POLR3D: variants seen among roughly 807,000 people sequenced by gnomAD.
POLR3D encodes DNA-directed RNA polymerase III subunit RPC4.
In POLR3D, 42 loss-of-function variants were observed where a neutral mutation model predicts 44.5. That is an observed-to-expected ratio of 0.94 (90% confidence interval 0.74 to 1.22). POLR3D has a LOEUF of 1.22. Among genes scored for constraint, POLR3D ranks in the 50% most tolerant of loss-of-function variants. POLR3D has a pLI of 0.00. For missense variants in POLR3D, 507 were observed against 505.2 expected, an observed-to-expected ratio of 1.00 and a Z score of -0.03; for synonymous variants, 217 against 198.1, an observed-to-expected ratio of 1.10 and a Z score of -0.80.
Position 22,252,252 on chromosome 8 carries a change from G to A in POLR3D, c.*1734G>A, listed in dbSNP as rs1830111287. On this transcript the variant is annotated 3_prime_UTR_variant, in exon 9 of 9. Transcript: ENST00000306433. Reference sequence around the variant, plus strand: ...AACCTGTGCTGGGAAGCCCTGTTTGGTCTAAGGCTAAGCTTTGGTTAACTC... The same window carrying A: ...AACCTGTGCTGGGAAGCCCTGTTTGATCTAAGGCTAAGCTTTGGTTAACTC... 6.5e-6 allele frequency: 1 copy of A among 153,792 alleles called. No homozygotes were observed. The highest frequency in any genetic ancestry group is 2.1e-4 in the South Asian group (1 of 4,838). 9.5% of individuals were successfully genotyped at this position (153,792 alleles called of 1,614,324 possible). A position where few individuals can be genotyped will look rare whatever the true frequency, so the allele number is the denominator to read the frequency against.
chr8:22,245,789 C>G (rs1451790048), intron 2 of POLR3D, among the ~76,000 whole-genome samples, 175 bp downstream of exon 2: 1 of 152,150 alleles, frequency 6.6e-6, no homozygotes, highest in Non-Finnish European at 1.5e-5. Context: ...GTACTGAGTA[C>G]AAGATGTTGA....
intron 6 of POLR3D, 74 bp downstream of exon 6, chr8:22,248,723 T>C: frequency 7.0e-7 from 1 of 1,433,932 alleles, no homozygotes; most frequent in South Asian, 1.3e-5. Context: ...AGGCATCCCT[T>C]GCATGTGCCC....
intron 1 of POLR3D, 54 bp from the exon 2 acceptor site, chr8:22,245,391 C>A: frequency 7.8e-7 from 1 of 1,278,494 alleles, no homozygotes; most frequent in East Asian, 2.9e-5. Context: ...TGGGGTTCCG[C>A]CAGGGTCCGC....
chr8:22,248,537 G>A lies in POLR3D; in HGVS notation c.543G>A (p.Pro181=), dbSNP rs775911669. The part of the protein sequence containing the change: ...NDTRNMPVQL[P]LAHSGWLFKE... ...CTCGAAATATGCCTGTGCAGCTGCC[G>A]CTGGCTCACTCAGGATGGCTTTTTA... The change falls in exon 6 of 9, where the codon CCG becomes CCA. Residue 181 remains proline, a synonymous_variant. Transcript: ENST00000306433. 3.0e-5 allele frequency: 49 copies of A among 1,614,028 alleles called. No individual in the cohort carries two copies. The highest frequency in any genetic ancestry group is 1.1e-4 in the East Asian group (5 of 44,894).
In POLR3D at chr8:22,248,611, A is replaced by G. The variant is rs751186027; in HGVS notation, c.617A>G (p.Lys206Arg). The change falls in exon 6 of 9, where the codon AAG (lysine) becomes AGG (arginine). Residue 206 changes from lysine (K) to arginine (R), a missense_variant. By Grantham distance (26) the Lys-to-Arg change is conservative. Transcript: ENST00000306433. The part of the protein sequence containing the change: ...PDVKPWLAGP[K>R]EEDMEVDIPA... ...GTTAAACCTTGGCTGGCTGGCCCCA[A>G]GGAAGAGGACATGGAGGTGGACATA... 1.1e-5 allele frequency: 17 copies of G among 1,613,984 alleles called. No individual in the cohort carries two copies. The highest frequency in any genetic ancestry group is 1.4e-5 in the Non-Finnish European group (17 of 1,180,046).
chr8:22,247,361 A>T (rs567515164), intron 3 of POLR3D, 97 bp downstream of exon 3: 2 of 875,284 alleles, frequency 2.3e-6, no homozygotes, highest in Non-Finnish European at 1.9e-6. Flanking sequence ...CCAAAATTTA[A>T]ATTTATATCT....
Position 22,249,096 on chromosome 8 carries a change from C to T in POLR3D, c.708C>T (p.Pro236=), listed in dbSNP as rs747260064. Reference sequence around the variant, plus strand: ...AAGAGGCCAAGATGAAGGCTCCTCCCAAAGCAGCCAGGAAGACTCCAGGCC... The same window carrying T: ...AAGAGGCCAAGATGAAGGCTCCTCCTAAAGCAGCCAGGAAGACTCCAGGCC... ...EEEEAKMKAP[P]KAARKTPGLP... Residue 236 remains proline (P), a synonymous_variant, in exon 7 of 9, where the codon CCC becomes CCT. Coordinates refer to ENST00000306433, the MANE Select transcript of POLR3D (RefSeq NM_001722.3). 1 of 1,613,830 alleles carries T rather than the reference C, an allele frequency of 6.2e-7. No individual in the cohort carries two copies. The highest frequency in any genetic ancestry group is 1.1e-5 in the South Asian group (1 of 91,060).
rs1830067272 is a variant in POLR3D at position 22,248,581 on chromosome 8, C to T, written c.587C>T (p.Pro196Leu). The T allele has an allele frequency of 1.2e-6, 2 of 1,614,146 alleles. No homozygotes were observed. Among genetic ancestry groups the T allele is most frequent in the East Asian group, 4.5e-5 (2 of 44,876 alleles). ...GWLFKEENDEPDVKPWLAGPK... is the reference protein window; with the variant it reads ...GWLFKEENDELDVKPWLAGPK... ...CTTTTTAAGGAAGAAAATGACGAAC[C>T]AGATGTTAAACCTTGGCTGGCTGGC... Residue 196 changes from proline (P) to leucine (L), a missense_variant, in exon 6 of 9, where the codon CCA becomes CTA. Coordinates refer to ENST00000306433, the MANE Select transcript of POLR3D (RefSeq NM_001722.3).
At position 22,250,088 on chromosome 8, in the gene POLR3D, CAGAGAA is replaced by C. The variant is rs755167668; in HGVS notation, c.936_941del (p.Glu313_Asn314del). Reference sequence around the variant, plus strand: ...TTTTCTCCGCAGGAAGCCAAATTGGCAGAGAATGCTTGTACCCTGGCTGACCTGACA... The same window carrying C: ...TTTTCTCCGCAGGAAGCCAAATTGGCTGCTTGTACCCTGGCTGACCTGACA... On this transcript the variant is annotated inframe_deletion, in exon 8 of 9. Transcript: ENST00000306433. 6.2e-7 allele frequency: 1 copy of C among 1,614,076 alleles called. No homozygotes were observed. Among genetic ancestry groups the C allele is most frequent in the South Asian group, 1.1e-5 (1 of 91,072 alleles).
rs1380646506 is a variant in POLR3D at position 22,247,345 on chromosome 8, G to T, written c.209+81G>T. Reference sequence around the variant, plus strand: ...GGCTTTGGGGGAAATAACTAGGTTTGTAGCTCCAAAATTTAAATTTATATC... The same window carrying T: ...GGCTTTGGGGGAAATAACTAGGTTTTTAGCTCCAAAATTTAAATTTATATC... On this transcript the variant is annotated intron_variant, in intron 3 of 8. Transcript: ENST00000306433. 6 of 1,044,540 alleles carry T rather than the reference G, an allele frequency of 5.7e-6. No homozygotes were observed. In the African/African-American group the frequency reaches 8.0e-5, roughly 14 times the overall value. 64.7% of individuals were successfully genotyped at this position (1,044,540 alleles called of 1,614,324 possible). A position where few individuals can be genotyped will look rare whatever the true frequency, so the allele number is the denominator to read the frequency against.
intron 6 of POLR3D, 88 bp from the exon 7 acceptor site, chr8:22,248,956 T>C: frequency 6.9e-7 from 1 of 1,447,018 alleles, no homozygotes; most frequent in East Asian, 2.3e-5. Context: ...TGAGTGACAG[T>C]GGAGCAGACA....
In POLR3D at chr8:22,248,336, G is replaced by A. The variant is rs1004894445; in HGVS notation, c.486+58G>A. 1.4e-5 allele frequency: 23 copies of A among 1,595,830 alleles called. No individual in the cohort carries two copies. In the Admixed American group the frequency reaches 2.2e-4, roughly 15 times the overall value. ...CTTGTGGCTGTAGAACAGGGCTTCT[G>A]GGGAGCCAGGTGAGGGGTAGAAGAG... is the stretch of plus-strand genomic sequence containing the variant. On this transcript the variant is annotated intron_variant, in intron 5 of 8. Coordinates refer to ENST00000306433, the MANE Select transcript of POLR3D (RefSeq NM_001722.3).
chr8:22,245,317 G>T (rs1415897934), intron 1 of POLR3D, 128 bp from the exon 2 acceptor site: 2 of 612,862 alleles, frequency 3.3e-6, no homozygotes, highest in East Asian at 6.5e-5. Context: ...TCGCCACGTG[G>T]GAGGGGAGGA....
chr8:22,245,378 G>C, intron 1 of POLR3D, 67 bp from the exon 2 acceptor site: 2 of 1,205,358 alleles, frequency 1.7e-6, no homozygotes, highest in Non-Finnish European at 2.1e-6. Flanking sequence ...GAAAGCAAGG[G>C]GGTGGGGTTC....
chr8:22,245,353 C>T, intron 1 of POLR3D, 92 bp from the exon 2 acceptor site: 1 of 968,534 alleles, frequency 1.0e-6, no homozygotes, highest in Non-Finnish European at 1.4e-6. Context: ...GAGGGACGCA[C>T]CGACTGGGGG....
In POLR3D at chr8:22,250,784, C is replaced by G; in HGVS notation, c.*266C>G. On this transcript the variant is annotated 3_prime_UTR_variant, in exon 9 of 9. Coordinates refer to ENST00000306433, the MANE Select transcript of POLR3D (RefSeq NM_001722.3). Reference sequence around the variant, plus strand: ...TTTTGTATTTATGTCTTAATCTCTTCCACTGATGCATCCTCCAAGGGTAGA... The same window carrying G: ...TTTTGTATTTATGTCTTAATCTCTTGCACTGATGCATCCTCCAAGGGTAGA... 2.2e-6 allele frequency: 1 copy of G among 446,950 alleles called. No homozygotes were observed. The highest frequency in any genetic ancestry group is 3.4e-5 in the Admixed American group (1 of 29,216). The allele number at this position is 446,950 out of a possible 1,614,324, so 27.7% of individuals were successfully genotyped here.
chr8:22,253,942 C>T lies in POLR3D; in HGVS notation c.*3424C>T, dbSNP rs1830125750. 2.0e-5 allele frequency: 3 copies of T among 152,314 alleles called. No individual in the cohort carries two copies. Among genetic ancestry groups the T allele is most frequent in the Admixed American group, 2.0e-4 (3 of 15,286 alleles). The allele number at this position is 152,314 out of a possible 1,614,324, so 9.4% of individuals were successfully genotyped here. A position where few individuals can be genotyped will look rare whatever the true frequency, so the allele number is the denominator to read the frequency against. On this transcript the variant is annotated 3_prime_UTR_variant, in exon 9 of 9. Transcript: ENST00000306433. ...TCTACCTGCCTCAGCCTCCCAAGTG[C>T]TGGGATTACAGGCGTGAGCCACTGC...
intron 6 of POLR3D, 131 bp downstream of exon 6, chr8:22,248,780 C>T: frequency 6.3e-6 from 6 of 948,280 alleles, no homozygotes; most frequent in African/African-American, 1.6e-5. Flanking sequence ...CTGTAAGATA[C>T]ATGAGCTGAA....
At chr8:22,250,252 A>G (rs750665878) in intron 8 of POLR3D, 25 bp downstream of exon 8, 3 of 1,613,724 alleles carry the variant, frequency 1.9e-6, no homozygotes, top group East Asian at 4.5e-5. Flanking sequence ...AGGGGCAAGG[A>G]GGGACCCTTT....
Sources: allele counts gnomAD v4.1 joint callset (sites outside exome capture counted in the v4.1 genomes callset), GRCh38; gene constraint gnomAD v4.1.1; transcripts MANE v1.5; gene names NCBI Gene and HGNC (gene_info 2026-07-23, HGNC 2026-07-21).